FBXL4: variants seen among roughly 807,000 people sequenced by gnomAD.
FBXL4 encodes F-box and leucine rich repeat protein 4.
A neutral mutation model predicts 58.9 loss-of-function variants in FBXL4; 40 were observed. The ratio of observed to expected loss-of-function variants is 0.68; its 90% CI spans 0.53 to 0.88. FBXL4 has a LOEUF of 0.88. Among genes scored for constraint, FBXL4 ranks in the 40% least tolerant of loss-of-function variants. The pLI, the probability that FBXL4 is intolerant of heterozygous loss-of-function variation, is 0.00. For synonymous variants in FBXL4, 263 were observed against 265.5 expected (o/e 0.99, Z 0.09); for missense variants, 676 against 734.4 (o/e 0.92, Z 0.92).
intron 4 of FBXL4, among the ~76,000 whole-genome samples, chr6:98,918,412 T>C (rs1772453419): frequency 6.6e-6 from 1 of 152,160 alleles, no homozygotes; most frequent in African/African-American, 2.4e-5. Flanking sequence ...AATAAACTTA[T>C]TTCCACCTTT....
intron 6 of FBXL4, among the ~76,000 whole-genome samples, chr6:98,903,661 T>A (rs566735935): frequency 6.6e-6 from 1 of 152,160 alleles, no homozygotes; most frequent in Non-Finnish European, 1.5e-5. Context: ...TTATAAGTGA[T>A]GTTTCTTCTC....
intron 7 of FBXL4, among the ~76,000 whole-genome samples, chr6:98,884,673 TATTTTC>T (rs1392670826): frequency 6.6e-6 from 1 of 152,200 alleles, no homozygotes. Context: ...TCTAAAAATG[TATTTTC>T]ATTTATTTTG....
chr6:98,936,108 A>G (rs899371856), intron 1 of FBXL4, among the ~76,000 whole-genome samples: 4 of 152,186 alleles, frequency 2.6e-5, no homozygotes, highest in Non-Finnish European at 5.9e-5. Flanking sequence ...AGGACAATAC[A>G]CCTGTCATAG....
intron 6 of FBXL4, among the ~76,000 whole-genome samples, chr6:98,900,163 T>C (rs1160444695): frequency 2.0e-5 from 3 of 152,204 alleles, no homozygotes; most frequent in Non-Finnish European, 4.4e-5. Context: ...AGTTATGTTA[T>C]AGTTGGGGGA....
At chr6:98,930,819 TC>T (rs2128407982) in intron 2 of FBXL4, among the ~76,000 whole-genome samples, 1 of 152,324 alleles carries the variant, frequency 6.6e-6, no homozygotes, top group East Asian at 1.9e-4. Flanking sequence ...TACAAATCTT[TC>T]TTTTACCATA....
intron 6 of FBXL4, among the ~76,000 whole-genome samples, chr6:98,904,769 A>G (rs1467022139): frequency 1.3e-5 from 2 of 152,186 alleles, no homozygotes; most frequent in Non-Finnish European, 2.9e-5. Flanking sequence ...GTTAGGAGAA[A>G]AACACCTGTT....
intron 5 of FBXL4, among the ~76,000 whole-genome samples, chr6:98,910,748 A>T (rs1772014782): frequency 6.6e-6 from 1 of 152,184 alleles, no homozygotes; most frequent in African/African-American, 2.4e-5. Flanking sequence ...CAGCGTGAGC[A>T]ACGCATTAGA....
intron 5 of FBXL4, among the ~76,000 whole-genome samples, chr6:98,907,633 T>C (rs1481880502): frequency 6.6e-6 from 1 of 152,184 alleles, no homozygotes; most frequent in Non-Finnish European, 1.5e-5. Context: ...GGAAAAGATA[T>C]TAAATATTTG....
Position 98,925,409 on chromosome 6 carries a change from C to CA in FBXL4, c.512+1067dup, listed in dbSNP as rs891256236. Among the ~76,000 whole-genome samples, 49 of 146,680 alleles carry CA rather than the reference C, an allele frequency of 3.3e-4. No homozygotes were observed. The East Asian group carries it at 4.1e-3, about 12-fold the overall frequency. On this transcript the variant is annotated intron_variant, in intron 4 of 9. Coordinates refer to ENST00000369244, the MANE Select transcript of FBXL4 (RefSeq NM_001278716.2). ...TAACTAAGAATAAATTGTTAAAATGCAAAAAAAAAATGTTAAACATTACAA... is the reference window on the plus strand; with the variant it reads ...TAACTAAGAATAAATTGTTAAAATGCAAAAAAAAAAATGTTAAACATTACAA...
chr6:98,939,050 T>C (rs1773329725), intron 1 of FBXL4, among the ~76,000 whole-genome samples: 1 of 118,984 alleles, frequency 8.4e-6, no homozygotes, highest in African/African-American at 3.3e-5. Context: ...CACTTCAGCC[T>C]GGGTGACAGA....
chr6:98,921,245 T>C (rs1772571607), intron 4 of FBXL4, among the ~76,000 whole-genome samples: 1 of 151,990 alleles, frequency 6.6e-6, no homozygotes. Flanking sequence ...TAAGAAACTT[T>C]CTCCAGGGCA....
chr6:98,937,860 T>C (rs1382326954), intron 1 of FBXL4, among the ~76,000 whole-genome samples: 2 of 152,158 alleles, frequency 1.3e-5, no homozygotes, highest in African/African-American at 4.8e-5. Flanking sequence ...AATTGTCTAA[T>C]GTCAATTTGT....
intron 2 of FBXL4, among the ~76,000 whole-genome samples, chr6:98,931,973 A>T (rs989948096): frequency 6.6e-6 from 1 of 152,248 alleles, no homozygotes; most frequent in African/African-American, 2.4e-5. Flanking sequence ...GCAATGAACC[A>T]AGTGTAAAAG....
At chr6:98,874,725 CAGACT>C (rs2128375087) in intron 9 of FBXL4, among the ~76,000 whole-genome samples, 1 of 152,294 alleles carries the variant, frequency 6.6e-6, no homozygotes, top group South Asian at 2.1e-4. Context: ...TCAGCTCCTC[CAGACT>C]TTCCTATTTC....
In FBXL4 at chr6:98,878,973, T is replaced by C. The variant is rs186398750; in HGVS notation, c.1389+1580A>G. On this transcript the variant is annotated intron_variant, in intron 8 of 9. Transcript: ENST00000369244. ...AAATCTAGTGGGCTCCCAAGACTGT[T>C]TCTAGAGACTGAGATGGCCTGAGCC... Among the ~76,000 whole-genome samples the C allele has an allele frequency of 2.6e-5, 4 of 152,252 alleles. No homozygotes were observed. In the East Asian group the frequency reaches 7.8e-4, roughly 30 times the overall value.
Position 98,874,340 on chromosome 6 carries a change from C to T in FBXL4, c.1804G>A (p.Ala602Thr). 1 of 1,613,000 alleles carries T rather than the reference C, an allele frequency of 6.2e-7. No homozygotes were observed. The highest frequency in any genetic ancestry group is 8.5e-7 in the Non-Finnish European group (1 of 1,179,600). Residue 602 changes from alanine (A) to threonine (T), a missense_variant, in exon 10 of 10, where the codon GCT (alanine) becomes ACT (threonine). Physicochemically the swap from Ala to Thr is moderately conservative, Grantham distance 58 (BLOSUM62 0). Transcript: ENST00000369244. ...AAGCTTGCATTCAGTTCTAGCACAG[C>T]TCTGTTATCAATCTGCGAACAGAAG... ...VSFCSQIDNR[A>T]VLELNASFPK... is the part of the protein sequence containing the mutation.
At chr6:98,921,743 T>C (rs1488792116) in intron 4 of FBXL4, among the ~76,000 whole-genome samples, 3 of 152,166 alleles carry the variant, frequency 2.0e-5, no homozygotes, top group African/African-American at 7.2e-5. Context: ...AGCCTCTTTT[T>C]TTCTCCCTGC....
chr6:98,946,882 T>C lies in FBXL4; in HGVS notation c.-309+924A>G, dbSNP rs149961811. 4.7e-4 allele frequency among the ~76,000 whole-genome samples: 72 copies of C among 152,244 alleles called. 1 individual carries two copies. In the East Asian group the frequency reaches 0.013, roughly 27 times the overall value. ...AATCTCTCTCTACTCAACCAACAGATACAATATGCGGTACAGGATAATGGA... is the reference window on the plus strand; with the variant it reads ...AATCTCTCTCTACTCAACCAACAGACACAATATGCGGTACAGGATAATGGA... On this transcript the variant is annotated intron_variant, in intron 1 of 9. Transcript: ENST00000369244.
At chr6:98,916,458 A>T (rs558129402) in intron 5 of FBXL4, among the ~76,000 whole-genome samples, 1 of 151,868 alleles carries the variant, frequency 6.6e-6, no homozygotes, top group African/African-American at 2.4e-5. Flanking sequence ...AAAATGTGGC[A>T]CATATACACC....
Sources: gnomAD v4.1 joint callset for allele counts (sites outside exome capture counted in the v4.1 genomes callset) on GRCh38, gnomAD v4.1.1 for gene constraint, MANE v1.5 for transcripts, NCBI Gene and HGNC (gene_info 2026-07-23, HGNC 2026-07-21) for gene names.